The following CLDN16 variants were observed in gnomAD, a reference collection of about 807,000 sequenced individuals.
CLDN16 encodes the protein claudin 16, also known as claudin-16.
Under a neutral mutation model 24.6 loss-of-function variants are expected in CLDN16, and 13 were observed. The ratio of observed to expected loss-of-function variants is 0.53; its 90% CI spans 0.34 to 0.84. CLDN16 has a LOEUF of 0.84. Among genes scored for constraint, CLDN16 ranks in the 40% least tolerant of loss-of-function variants. CLDN16 has a pLI of 0.01. For missense variants in CLDN16, 298 were observed against 292.7 expected, an observed-to-expected ratio of 1.02 and a Z score of -0.13; for synonymous variants, 116 against 106.7, an observed-to-expected ratio of 1.09 and a Z score of -0.54.
Position 190,404,936 on chromosome 3 carries a change from T to C in CLDN16, c.382+10T>C. The C allele has an allele frequency of 1.2e-6, 2 of 1,613,866 alleles. No homozygotes were observed. Among genetic ancestry groups the C allele is most frequent in the African/African-American group, 1.3e-5 (1 of 75,030 alleles). On this transcript the variant is annotated intron_variant, in intron 3 of 4. Transcript: ENST00000264734. ...ACGTTACTAATAGCAGGTACCGGTC[T>C]GGCTGGACTAGCAACAGGGGTAGGG...
intron 3 of CLDN16, among the ~76,000 whole-genome samples, chr3:190,376,602 G>A (rs993626559): frequency 6.6e-6 from 1 of 151,916 alleles, no homozygotes; most frequent in Non-Finnish European, 1.5e-5. Context: ...CATGTTGTAG[G>A]CAGAGGAAAC....
At chr3:190,351,115 C>T (rs911148192) in intron 1 of CLDN16, among the ~76,000 whole-genome samples, 1 of 151,680 alleles carries the variant, frequency 6.6e-6, no homozygotes, top group African/African-American at 2.4e-5. Context: ...TGCACTCCCC[C>T]CCACCCCCTT....
chr3:190,332,165 A>G (rs964059824), intron 1 of CLDN16, among the ~76,000 whole-genome samples: 1 of 152,182 alleles, frequency 6.6e-6, no homozygotes, highest in African/African-American at 2.4e-5. Context: ...AGACATGTAT[A>G]TATTTGGCAG....
chr3:190,328,440 GT>G (rs1208344488), intron 1 of CLDN16, among the ~76,000 whole-genome samples: 1 of 152,168 alleles, frequency 6.6e-6, no homozygotes, highest in Non-Finnish European at 1.5e-5. Context: ...AGAAATATGT[GT>G]ATCTCACAGT....
the CLDN16 span, among the ~76,000 whole-genome samples, chr3:190,305,442 A>C: frequency 1.3e-5 from 2 of 152,202 alleles, no homozygotes; most frequent in Non-Finnish European, 2.9e-5. Context: ...CTTATCATTT[A>C]TTATTGTATG....
intron 1 of CLDN16, among the ~76,000 whole-genome samples, chr3:190,324,809 C>A (rs1717024029): frequency 6.6e-6 from 1 of 152,158 alleles, no homozygotes; most frequent in African/African-American, 2.4e-5. Context: ...GTGCAGAGGA[C>A]AGGTGAGATA....
intron 3 of CLDN16, among the ~76,000 whole-genome samples, chr3:190,381,560 G>A (rs1718373315): frequency 6.6e-6 from 1 of 151,976 alleles, no homozygotes; most frequent in Non-Finnish European, 1.5e-5. Flanking sequence ...ACTGCCTCTA[G>A]GCCCTTGATA....
intron 1 of CLDN16, among the ~76,000 whole-genome samples, chr3:190,330,572 G>A (rs1354368406): frequency 6.6e-6 from 1 of 151,922 alleles, no homozygotes. Context: ...GTGAAGGGTG[G>A]GTTATTACAT....
At chr3:190,408,867 C>T (rs1323258351) in intron 4 of CLDN16, among the ~76,000 whole-genome samples, 3 of 146,056 alleles carry the variant, frequency 2.1e-5, no homozygotes, top group Non-Finnish European at 4.5e-5. Context: ...AGTATATATA[C>T]TATATATACA....
intron 1 of CLDN16, among the ~76,000 whole-genome samples, chr3:190,395,910 T>C (rs975859521): frequency 1.3e-5 from 2 of 152,122 alleles, no homozygotes; most frequent in Admixed American, 6.5e-5. Flanking sequence ...GATAGATAGA[T>C]AGACACACAC....
At chr3:190,342,701 T>C (rs1339615886) in intron 1 of CLDN16, among the ~76,000 whole-genome samples, 1 of 152,174 alleles carries the variant, frequency 6.6e-6, no homozygotes. Context: ...GATACCAACA[T>C]GATGCAATGG....
rs9880948 is a variant in CLDN16, at chr3:190,362,220, G to C, written n.122-8673G>C. ...GGCTGTGAAAGAACGAACCCTGGGTGTTACTCCAGACAGTGAGGCCATTTC... is the reference window on the plus strand; with the variant it reads ...GGCTGTGAAAGAACGAACCCTGGGTCTTACTCCAGACAGTGAGGCCATTTC... On this transcript the variant is annotated intron_variant and non_coding_transcript_variant, in intron 1 of 4. Transcript: ENST00000468220. Among the ~76,000 whole-genome samples the C allele has an allele frequency of 2.8e-3, 422 of 152,032 alleles. 3 individuals carry two copies. Among genetic ancestry groups the C allele is most frequent in the African/African-American group, 1.0e-2 (414 of 41,524 alleles).
chr3:190,375,053 T>G (rs1266975907), intron 3 of CLDN16, among the ~76,000 whole-genome samples: 1 of 151,992 alleles, frequency 6.6e-6, no homozygotes, highest in Non-Finnish European at 1.5e-5. Context: ...GTACCTTGTG[T>G]GTTATTGCAA....
At chr3:190,295,322 G>A in the CLDN16 span, among the ~76,000 whole-genome samples, 9 of 152,226 alleles carry the variant, frequency 5.9e-5, no homozygotes, top group South Asian at 8.3e-4. Context: ...AATGGTACCC[G>A]TCTTAGAGGA....
upstream of CLDN16, chr3:190,322,370 T>C (rs777831550): frequency 7.3e-6 from 5 of 681,590 alleles, no homozygotes; most frequent in East Asian, 2.7e-5. Flanking sequence ...TGGGTCGGGG[T>C]TGGGGTCCGC....
At chr3:190,364,823 G>A (rs151000861) in intron 1 of CLDN16, among the ~76,000 whole-genome samples, 29 of 151,426 alleles carry the variant, frequency 1.9e-4, no homozygotes, top group Admixed American at 1.1e-3. Context: ...GGAGCTGAGC[G>A]TTGTCTTTTT....
chr3:190,397,632 CA>C (rs906362808), intron 1 of CLDN16, among the ~76,000 whole-genome samples: 3 of 152,166 alleles, frequency 2.0e-5, no homozygotes, highest in African/African-American at 7.2e-5. Flanking sequence ...CTTTTGTGCA[CA>C]AAGGCACCTT....
At chr3:190,339,858 A>G (rs1717389654) in intron 1 of CLDN16, among the ~76,000 whole-genome samples, 1 of 152,252 alleles carries the variant, frequency 6.6e-6, no homozygotes, top group Non-Finnish European at 1.5e-5. Context: ...AAAGGGTGTG[A>G]AATCAAGAAA....
chr3:190,362,215 T>C (rs1717904032), intron 1 of CLDN16, among the ~76,000 whole-genome samples: 1 of 151,956 alleles, frequency 6.6e-6, no homozygotes, highest in Non-Finnish European at 1.5e-5. Context: ...GAACGAACCC[T>C]GGGTGTTACT....
Sources: allele counts gnomAD v4.1 joint callset (sites outside exome capture counted in the v4.1 genomes callset), GRCh38; gene constraint gnomAD v4.1.1; transcripts MANE v1.5; gene names NCBI Gene and HGNC (gene_info 2026-07-23, HGNC 2026-07-21).